The following EPHA6 variants were observed in gnomAD, a reference collection of about 807,000 sequenced individuals.
EPHA6 encodes the protein ephrin type-A receptor 6.
EPHA6 carries 50 observed loss-of-function variants against 112.0 expected under a neutral mutation model. The ratio of observed to expected loss-of-function variants is 0.45; its 90% CI spans 0.36 to 0.56. EPHA6 has a LOEUF of 0.56. Among genes scored for constraint, EPHA6 ranks in the 20% least tolerant of loss-of-function variants. The pLI, the probability that EPHA6 is intolerant of heterozygous loss-of-function variation, is 0.00. For missense variants in EPHA6, 1,280 were observed against 1,417.4 expected, an observed-to-expected ratio of 0.90 and a Z score of 1.56; for synonymous variants, 529 against 490.7, an observed-to-expected ratio of 1.08 and a Z score of -1.03.
intron 13 of EPHA6, among the ~76,000 whole-genome samples, chr3:97,637,141 A>G (rs2093952810): frequency 6.6e-6 from 1 of 152,168 alleles, no homozygotes; most frequent in Non-Finnish European, 1.5e-5. Context: ...AGGGAATAAG[A>G]TGGGATTGAT....
chr3:97,214,038 T>TGTGTGA (rs1491420279), intron 3 of EPHA6, among the ~76,000 whole-genome samples: 1,053 of 77,782 alleles, frequency 0.014, 11 homozygotes, highest in African/African-American at 0.035. Flanking sequence ...TGTGTGTGTG[T>TGTGTGA]GAGAGAGAGA....
chr3:97,017,048 A>C (rs189356746), intron 3 of EPHA6, among the ~76,000 whole-genome samples: 1 of 152,324 alleles, frequency 6.6e-6, no homozygotes, highest in Admixed American at 6.5e-5. Context: ...GGACAGAGCA[A>C]GATGGCCAAA....
intron 1 of EPHA6, among the ~76,000 whole-genome samples, chr3:96,830,984 T>TAC (rs201313275): frequency 2.2e-4 from 33 of 151,946 alleles, no homozygotes; most frequent in African/African-American, 4.3e-4. Flanking sequence ...TGTATATATA[T>TAC]ACACACACAC....
intron 13 of EPHA6, among the ~76,000 whole-genome samples, chr3:97,637,150 ATTAG>A (rs1028279933): frequency 6.6e-6 from 1 of 152,264 alleles, no homozygotes; most frequent in Middle Eastern, 3.4e-3. Context: ...GATGGGATTG[ATTAG>A]TTAAATGGGA....
At chr3:97,287,197 A>G (rs1416939192) in intron 5 of EPHA6, among the ~76,000 whole-genome samples, 1 of 152,110 alleles carries the variant, frequency 6.6e-6, no homozygotes, top group East Asian at 1.9e-4. Context: ...AACAGAAACC[A>G]TTTGACTTCT....
At position 97,588,454 on chromosome 3, in the gene EPHA6, A is replaced by T. The variant is rs576052469; in HGVS notation, c.2387-4158A>T. ...CAACCTAATGAAAACAATTTGAAGA[A>T]GTCATATCTCATTTATATTACAGAG... On this transcript the variant is annotated intron_variant, in intron 11 of 17. Coordinates refer to ENST00000389672, the MANE Select transcript of EPHA6 (RefSeq NM_001080448.3). Among the ~76,000 whole-genome samples the T allele has an allele frequency of 3.3e-5, 5 of 152,360 alleles. No individual in the cohort carries two copies. The South Asian group carries it at 1.0e-3, about 32-fold the overall frequency.
At chr3:97,017,141 A>G (rs1227738011) in intron 3 of EPHA6, among the ~76,000 whole-genome samples, 1 of 152,196 alleles carries the variant, frequency 6.6e-6, no homozygotes, top group Non-Finnish European at 1.5e-5. Flanking sequence ...ATAAGAACCA[A>G]AAATCAGGTG....
At chr3:97,283,103 A>T (rs1206681504) in intron 5 of EPHA6, among the ~76,000 whole-genome samples, 23 of 152,222 alleles carry the variant, frequency 1.5e-4, no homozygotes, top group Admixed American at 1.5e-3. Context: ...ATAAACTAAG[A>T]TATACCACCA....
At chr3:96,834,014 C>A (rs1316861032) in intron 1 of EPHA6, among the ~76,000 whole-genome samples, 1 of 151,824 alleles carries the variant, frequency 6.6e-6, no homozygotes, top group Non-Finnish European at 1.5e-5. Flanking sequence ...GAAAAATAAT[C>A]TAAGATTTTA....
At chr3:97,384,501 T>A (rs1418197944) in intron 5 of EPHA6, among the ~76,000 whole-genome samples, 1 of 152,188 alleles carries the variant, frequency 6.6e-6, no homozygotes, top group African/African-American at 2.4e-5. Flanking sequence ...TGTCAATGGT[T>A]ACTAACATAT....
At chr3:96,839,391 G>A (rs2034603227) in intron 1 of EPHA6, among the ~76,000 whole-genome samples, 1 of 152,034 alleles carries the variant, frequency 6.6e-6, no homozygotes, top group African/African-American at 2.4e-5. Context: ...ATGATCTGAG[G>A]TGGAACAGTT....
chr3:97,324,486 TTCTC>T (rs201532398), intron 5 of EPHA6, among the ~76,000 whole-genome samples: 3,235 of 145,148 alleles, frequency 0.022, 159 homozygotes, highest in African/African-American at 0.072. Context: ...TTTCGTCTCT[TTCTC>T]TTTCTTTCTT....
intron 5 of EPHA6, among the ~76,000 whole-genome samples, chr3:97,283,379 A>C (rs1030342368): frequency 6.6e-6 from 1 of 152,184 alleles, no homozygotes; most frequent in Non-Finnish European, 1.5e-5. Context: ...TCATGTAACT[A>C]TGCCAATTTT....
At chr3:96,835,428 T>A (rs1483906942) in intron 1 of EPHA6, among the ~76,000 whole-genome samples, 1 of 151,968 alleles carries the variant, frequency 6.6e-6, no homozygotes, top group Non-Finnish European at 1.5e-5. Context: ...TGGGTGCTCA[T>A]CAGATAATTA....
intron 5 of EPHA6, among the ~76,000 whole-genome samples, chr3:97,367,814 A>G (rs915438368): frequency 6.6e-5 from 10 of 152,156 alleles, no homozygotes; most frequent in African/African-American, 2.4e-4. Flanking sequence ...TATTAAATAA[A>G]AAGAATAACA....
chr3:97,042,963 G>A (rs959221737), intron 3 of EPHA6, among the ~76,000 whole-genome samples: 1 of 152,252 alleles, frequency 6.6e-6, no homozygotes, highest in Non-Finnish European at 1.5e-5. Flanking sequence ...GAGCAGACTA[G>A]GTAGCAGAAA....
rs74536027 is a variant in EPHA6, at chr3:97,111,997, A to G, written c.1115-114267A>G. 1.3e-3 allele frequency among the ~76,000 whole-genome samples: 199 copies of G among 152,228 alleles called. 4 individuals are homozygous for G. In the East Asian group the frequency reaches 0.033, roughly 25 times the overall value. On this transcript the variant is annotated intron_variant, in intron 3 of 17. Transcript: ENST00000389672. ...TTTGTAATTTTAGATTTTGCCACTA[A>G]TTGTAAGACATTTGCCCATCTCCAA... is the stretch of plus-strand genomic sequence containing the variant.
chr3:97,514,394 TA>T (rs1236960571), intron 10 of EPHA6, among the ~76,000 whole-genome samples: 1 of 152,204 alleles, frequency 6.6e-6, no homozygotes, highest in African/African-American at 2.4e-5. Context: ...ACGCTGAACC[TA>T]CTTGGATAAT....
intron 7 of EPHA6, among the ~76,000 whole-genome samples, chr3:97,455,703 G>C (rs2090659062): frequency 6.6e-6 from 1 of 151,882 alleles, no homozygotes; most frequent in Non-Finnish European, 1.5e-5. Flanking sequence ...CATATTTCTG[G>C]ATTAATGTAC....
Sources: gnomAD v4.1 joint callset for allele counts (sites outside exome capture counted in the v4.1 genomes callset) on GRCh38, gnomAD v4.1.1 for gene constraint, MANE v1.5 for transcripts, NCBI Gene and HGNC (gene_info 2026-07-23, HGNC 2026-07-21) for gene names.